The following ORC2 variants were observed in gnomAD, a reference collection of about 807,000 sequenced individuals.
The protein encoded by ORC2 is origin recognition complex subunit 2.
In ORC2, 37 loss-of-function variants were observed where a neutral mutation model predicts 77.7. The observed-to-expected ratio is 0.48, with a 90% CI of 0.37 to 0.63. The LOEUF (loss-of-function observed/expected upper bound fraction) is 0.63, where lower values mean the gene tolerates loss of function less well. Ranked by LOEUF, ORC2 falls within the 20% of genes least tolerant of loss-of-function variation. The pLI, the probability that ORC2 is intolerant of heterozygous loss-of-function variation, is 0.00. For missense variants in ORC2, 557 were observed against 661.9 expected, an observed-to-expected ratio of 0.84 and a Z score of 1.74; for synonymous variants, 201 against 229.5, an observed-to-expected ratio of 0.88 and a Z score of 1.12.
chr2:200,914,089 G>T, intron 15 of ORC2, 97 bp from the exon 16 acceptor site: 2 of 713,712 alleles, frequency 2.8e-6, no homozygotes, highest in South Asian at 1.9e-5. Context: ...TCAAGTAGTT[G>T]GCCTATCCGC....
intron 17 of ORC2, among the ~76,000 whole-genome samples, chr2:200,912,943 T>G (rs1219191357): frequency 4.3e-4 from 65 of 152,254 alleles, no homozygotes; most frequent in Non-Finnish European, 7.3e-5. Flanking sequence ...TGCTTACTAC[T>G]GTATCCTAAT....
intron 3 of ORC2, 66 bp from the exon 4 acceptor site, chr2:200,957,610 T>A: frequency 8.8e-7 from 1 of 1,132,436 alleles, no homozygotes. Flanking sequence ...TACATTTAAA[T>A]AAGAAATTAT....
At chr2:200,960,958 G>A (rs2041559405) in intron 1 of ORC2, among the ~76,000 whole-genome samples, 1 of 151,894 alleles carries the variant, frequency 6.6e-6, no homozygotes, top group African/African-American at 2.4e-5. Flanking sequence ...TGCATTTTTA[G>A]TAGAGATGGG....
chr2:200,956,124 T>A (rs990103622), intron 4 of ORC2, among the ~76,000 whole-genome samples: 2 of 152,236 alleles, frequency 1.3e-5, no homozygotes, highest in Admixed American at 1.3e-4. Context: ...CTGAGTATAG[T>A]GATGCAATCA....
At chr2:200,936,016 C>G in intron 8 of ORC2, 124 bp from the exon 9 acceptor site, 1 of 658,998 alleles carries the variant, frequency 1.5e-6, no homozygotes, top group Non-Finnish European at 2.5e-6. Context: ...ATTACCTGCT[C>G]ATGATTTCAC....
At chr2:200,945,031 T>C (rs1172543837) in intron 5 of ORC2, among the ~76,000 whole-genome samples, 8 of 152,206 alleles carry the variant, frequency 5.3e-5, no homozygotes. Flanking sequence ...GCTTTTCAGC[T>C]ACAACAGCCA....
chr2:200,912,845 C>T (rs917340843), intron 17 of ORC2, among the ~76,000 whole-genome samples: 2 of 152,330 alleles, frequency 1.3e-5, no homozygotes, highest in African/African-American at 2.4e-5. Context: ...GACTTCCTTA[C>T]AGTTAAAATG....
At chr2:200,912,011 C>T (rs1305478436) in intron 17 of ORC2, among the ~76,000 whole-genome samples, 2 of 152,198 alleles carry the variant, frequency 1.3e-5, no homozygotes, top group African/African-American at 4.8e-5. Flanking sequence ...TCTGACACTG[C>T]TGACTATTTT....
intron 13 of ORC2, among the ~76,000 whole-genome samples, chr2:200,922,786 T>C (rs895378228): frequency 5.9e-5 from 9 of 152,182 alleles, no homozygotes; most frequent in Admixed American, 5.2e-4. Flanking sequence ...TCTATTTTAA[T>C]GAGCATACGA....
At chr2:200,950,848 A>G (rs1414492893) in intron 4 of ORC2, among the ~76,000 whole-genome samples, 1 of 152,210 alleles carries the variant, frequency 6.6e-6, no homozygotes, top group East Asian at 1.9e-4. Flanking sequence ...GGTTTTATCC[A>G]AACTCCTTAA....
chr2:200,919,261 C>T (rs2040714890), intron 15 of ORC2, among the ~76,000 whole-genome samples: 4 of 152,214 alleles, frequency 2.6e-5, no homozygotes, highest in Admixed American at 2.6e-4. Flanking sequence ...TGTTATTTTT[C>T]AACACTTCAT....
At position 200,920,079 on chromosome 2, in the gene ORC2, T is replaced by C. The variant is rs16835671; in HGVS notation, c.1466+143A>G. On this transcript the variant is annotated intron_variant, in intron 15 of 17. Coordinates refer to ENST00000234296, the MANE Select transcript of ORC2 (RefSeq NM_006190.5). ...ACTGTTGACTTGTCTGCCTACTCCA[T>C]AATCCAGTACTGGTAACTATTATTA... 969 of 529,296 alleles carry C rather than the reference T, an allele frequency of 1.8e-3. 8 individuals carry two copies. Among genetic ancestry groups the C allele is most frequent in the African/African-American group, 0.016 (829 of 53,124 alleles). The allele number at this position is 529,296 out of a possible 1,614,324, so 32.8% of individuals were successfully genotyped here.
chr2:200,949,171 G>A (rs1286669450), intron 5 of ORC2, among the ~76,000 whole-genome samples: 4 of 151,778 alleles, frequency 2.6e-5, no homozygotes, highest in African/African-American at 4.8e-5. Context: ...AACCCAGGAG[G>A]TGGAGGTTGC....
At chr2:200,926,952 CA>C (rs747805577) in intron 11 of ORC2, 52 bp from the exon 12 acceptor site, 1 of 1,535,614 alleles carries the variant, frequency 6.5e-7, no homozygotes, top group South Asian at 1.1e-5. Flanking sequence ...CTCTTATTGC[CA>C]ATTTTATTAT....
intron 16 of ORC2, chr2:200,913,695 A>G: frequency 7.4e-7 from 1 of 1,351,124 alleles, no homozygotes; most frequent in South Asian, 2.0e-5. Flanking sequence ...CATAGTTAGC[A>G]CAGAAAATTT....
At chr2:200,943,530 C>T (rs2041192677) in intron 5 of ORC2, among the ~76,000 whole-genome samples, 1 of 152,120 alleles carries the variant, frequency 6.6e-6, no homozygotes, top group African/African-American at 2.4e-5. Context: ...TTTACCTTTT[C>T]CAAGTTAACT....
rs534690654 is a variant in ORC2, at chr2:200,912,532, C to T, written c.1647+763G>A. 2.4e-3 allele frequency among the ~76,000 whole-genome samples: 363 copies of T among 152,280 alleles called. 1 individual carries two copies. Among genetic ancestry groups the T allele is most frequent in the African/African-American group, 8.0e-3 (334 of 41,546 alleles). On this transcript the variant is annotated intron_variant, in intron 17 of 17. Coordinates refer to ENST00000234296, the MANE Select transcript of ORC2 (RefSeq NM_006190.5). Reference sequence around the variant, plus strand: ...CCAGGCTCAAGTGATCCTCCCACCTCAGCCTCCTGGGCAGCTGGGACTACA... The same window carrying T: ...CCAGGCTCAAGTGATCCTCCCACCTTAGCCTCCTGGGCAGCTGGGACTACA...
rs139749809 is a variant in ORC2 at position 200,950,381 on chromosome 2, C to T, written c.239-738G>A. On this transcript the variant is annotated intron_variant, in intron 4 of 17. Coordinates refer to ENST00000234296, the MANE Select transcript of ORC2 (RefSeq NM_006190.5). ...TGACTTAACTGACATTCTTCAATCT[C>T]CTCTTTAAATATCAACTGCTACCTA... Among the ~76,000 whole-genome samples the T allele has an allele frequency of 4.7e-3, 723 of 152,228 alleles. 5 individuals are homozygous for T. Among genetic ancestry groups the T allele is most frequent in the African/African-American group, 0.017 (694 of 41,538 alleles).
Position 200,948,298 on chromosome 2 carries a change from C to A in ORC2, c.328+1256G>T, listed in dbSNP as rs937160382. On this transcript the variant is annotated intron_variant, in intron 5 of 17. Transcript: ENST00000234296. ...TACTGGCCTCAAGCGATCCTCCTGT[C>A]TTGGCCACCCAAAGTGCTGAGATTA... Among the ~76,000 whole-genome samples, 3 of 152,038 alleles carry A rather than the reference C, an allele frequency of 2.0e-5. No homozygotes were observed. In the East Asian group the frequency reaches 5.8e-4, roughly 29 times the overall value.
Sources: gnomAD v4.1 joint callset for allele counts (sites outside exome capture counted in the v4.1 genomes callset) on GRCh38, gnomAD v4.1.1 for gene constraint, MANE v1.5 for transcripts, NCBI Gene and HGNC (gene_info 2026-07-23, HGNC 2026-07-21) for gene names.